ITGBL1: variants seen among roughly 807,000 people sequenced by gnomAD.
The protein encoded by ITGBL1 is integrin subunit beta like 1, also known as integrin beta-like protein 1.
In ITGBL1, 51 loss-of-function variants were observed where a neutral mutation model predicts 68.5. The observed-to-expected ratio is 0.74, with a 90% CI of 0.59 to 0.94. The LOEUF (loss-of-function observed/expected upper bound fraction) is 0.94. Ranked by LOEUF, ITGBL1 falls within the 40% of genes least tolerant of loss-of-function variation. The pLI is 0.00. For missense variants in ITGBL1, 649 were observed against 647.4 expected, an observed-to-expected ratio of 1.00 and a Z score of -0.03; for synonymous variants, 209 against 227.3, an observed-to-expected ratio of 0.92 and a Z score of 0.72.
chr13:101,644,418 A>G (rs781710658), intron 7 of ITGBL1, among the ~76,000 whole-genome samples: 26 of 152,218 alleles, frequency 1.7e-4, no homozygotes, highest in Non-Finnish European at 3.4e-4. Context: ...TCCACTTCAG[A>G]TAATGGTGAG....
chr13:101,663,709 T>C (rs1200744149), intron 7 of ITGBL1, among the ~76,000 whole-genome samples: 1 of 152,238 alleles, frequency 6.6e-6, no homozygotes, highest in Non-Finnish European at 1.5e-5. Flanking sequence ...AGTTATGTAT[T>C]TAAATTCTCT....
chr13:101,529,267 GA>G (rs921083596), intron 2 of ITGBL1, among the ~76,000 whole-genome samples: 31 of 149,180 alleles, frequency 2.1e-4, no homozygotes, highest in East Asian at 9.8e-4. Flanking sequence ...CATCTCTAAA[GA>G]AAAAAAAAGC....
intron 2 of ITGBL1, among the ~76,000 whole-genome samples, chr13:101,466,208 A>G (rs1566686798): frequency 6.6e-6 from 1 of 152,176 alleles, no homozygotes; most frequent in African/African-American, 2.4e-5. Flanking sequence ...ATTTCCCTTG[A>G]CAAGGAATAT....
intron 7 of ITGBL1, among the ~76,000 whole-genome samples, chr13:101,622,454 A>G (rs1387271733): frequency 2.6e-5 from 4 of 152,040 alleles, no homozygotes; most frequent in Non-Finnish European, 4.4e-5. Context: ...AAAAAATGCA[A>G]CCTCACATGT....
At chr13:101,551,118 G>A (rs2049914141) in intron 2 of ITGBL1, among the ~76,000 whole-genome samples, 1 of 152,064 alleles carries the variant, frequency 6.6e-6, no homozygotes, top group African/African-American at 2.4e-5. Flanking sequence ...GGATGGGGAG[G>A]GTAGGAGAAA....
At chr13:101,698,761 T>G (rs968758476) in intron 8 of ITGBL1, among the ~76,000 whole-genome samples, 4 of 152,204 alleles carry the variant, frequency 2.6e-5, no homozygotes, top group African/African-American at 9.6e-5. Context: ...GTGAAATATA[T>G]TCACATACTG....
rs529171401 is a variant in ITGBL1 at position 101,585,576 on chromosome 13, G to A, written c.868+2220G>A. ...CTCCCGAGCAGCTGGGGCTACAGGT[G>A]CCCACCACCACGCCCGGCTTATTTT... On this transcript the variant is annotated intron_variant, in intron 6 of 10. Coordinates refer to ENST00000376180, the MANE Select transcript of ITGBL1 (RefSeq NM_004791.3). 3.1e-4 allele frequency among the ~76,000 whole-genome samples: 47 copies of A among 152,094 alleles called. No individual in the cohort carries two copies. The East Asian group carries it at 8.5e-3, about 28-fold the overall frequency.
At chr13:101,541,539 G>A (rs1456058903) in intron 2 of ITGBL1, among the ~76,000 whole-genome samples, 1 of 152,084 alleles carries the variant, frequency 6.6e-6, no homozygotes, top group Admixed American at 6.6e-5. Flanking sequence ...TCTCTGCCAG[G>A]CTTTGGTATC....
chr13:101,468,724 A>G (rs543136144), intron 2 of ITGBL1, among the ~76,000 whole-genome samples: 1 of 152,340 alleles, frequency 6.6e-6, no homozygotes, highest in East Asian at 1.9e-4. Context: ...TAAAAGCTCA[A>G]ATGGTAAGAA....
intron 6 of ITGBL1, among the ~76,000 whole-genome samples, chr13:101,587,320 T>C (rs567117947): frequency 6.6e-6 from 1 of 152,344 alleles, no homozygotes; most frequent in Non-Finnish European, 1.5e-5. Flanking sequence ...CTGTCTGTTG[T>C]TCATCATCCA....
intron 7 of ITGBL1, among the ~76,000 whole-genome samples, chr13:101,633,896 T>C (rs9582512): frequency 5.2e-4 from 79 of 152,172 alleles, no homozygotes; most frequent in African/African-American, 1.8e-3. Flanking sequence ...TCTCAAATCA[T>C]AGGGGAGAAA....
At chr13:101,479,771 C>T (rs923206654) in intron 2 of ITGBL1, among the ~76,000 whole-genome samples, 3 of 152,062 alleles carry the variant, frequency 2.0e-5, no homozygotes, top group African/African-American at 7.2e-5. Flanking sequence ...CGTTTCACCC[C>T]AGTTAAAGTG....
chr13:101,673,048 G>T (rs766141804), intron 7 of ITGBL1, among the ~76,000 whole-genome samples: 2 of 152,172 alleles, frequency 1.3e-5, no homozygotes, highest in African/African-American at 2.4e-5. Flanking sequence ...CCAAACTGTC[G>T]AATGCTGTAA....
At chr13:101,543,183 T>C (rs9582506) in intron 2 of ITGBL1, among the ~76,000 whole-genome samples, 123,474 of 152,058 alleles carry the variant, frequency 0.81, 50,326 homozygotes, top group African/African-American at 0.89. Flanking sequence ...CATTTTTTTG[T>C]GGTGGCTGGT....
At chr13:101,656,997 G>T (rs532621837) in intron 7 of ITGBL1, among the ~76,000 whole-genome samples, 1 of 145,518 alleles carries the variant, frequency 6.9e-6, no homozygotes, top group East Asian at 2.0e-4. Context: ...GGGTACATGT[G>T]CACATTGTGC....
intron 8 of ITGBL1, among the ~76,000 whole-genome samples, chr13:101,702,419 T>C (rs530431268): frequency 1.3e-5 from 2 of 152,308 alleles, no homozygotes; most frequent in South Asian, 4.1e-4. Flanking sequence ...ATATTGCTCT[T>C]CTTTAGTGTT....
At chr13:101,506,580 G>T (rs2049030579) in intron 2 of ITGBL1, among the ~76,000 whole-genome samples, 1 of 152,134 alleles carries the variant, frequency 6.6e-6, no homozygotes, top group Non-Finnish European at 1.5e-5. Context: ...AATTGTCCCT[G>T]CCCTGCTTCC....
intron 4 of ITGBL1, among the ~76,000 whole-genome samples, chr13:101,577,230 C>T (rs896768851): frequency 2.6e-5 from 4 of 152,174 alleles, no homozygotes; most frequent in African/African-American, 2.4e-5. Flanking sequence ...TTCCATGTGT[C>T]ATTCACATGA....
chr13:101,711,392 C>T (rs570860254), intron 9 of ITGBL1: 3 of 152,374 alleles, frequency 2.0e-5, no homozygotes, highest in Non-Finnish European at 4.4e-5. Context: ...CACAACCTGT[C>T]CCACATCCCC....
Sources: gnomAD v4.1 joint callset for allele counts (sites outside exome capture counted in the v4.1 genomes callset) on GRCh38, gnomAD v4.1.1 for gene constraint, MANE v1.5 for transcripts, NCBI Gene and HGNC (gene_info 2026-07-23, HGNC 2026-07-21) for gene names.